GLB1: variants seen among roughly 807,000 people sequenced by gnomAD.
The protein encoded by GLB1 is galactosidase beta 1, also known as beta-galactosidase.
A neutral mutation model predicts 74.0 loss-of-function variants in GLB1; 56 were observed. The ratio of observed to expected loss-of-function variants is 0.76; its 90% CI spans 0.61 to 0.94. The LOEUF (loss-of-function observed/expected upper bound fraction) is 0.94, where lower values mean the gene tolerates loss of function less well. Ranked by LOEUF, GLB1 falls within the 40% of genes least tolerant of loss-of-function variation. The pLI, the probability that GLB1 is intolerant of heterozygous loss-of-function variation, is 0.00. For synonymous variants in GLB1, 323 were observed against 323.6 expected (o/e 1.00, Z 0.02); for missense variants, 787 against 845.5 (o/e 0.93, Z 0.86).
chr3:32,963,198 A>G, the GLB1 span, among the ~76,000 whole-genome samples: 9 of 151,900 alleles, frequency 5.9e-5, no homozygotes. Context: ...ACAATAAACT[A>G]TTTATTCAGA....
chr3:33,044,107 A>G (rs1698647528), intron 10 of GLB1, among the ~76,000 whole-genome samples: 1 of 152,202 alleles, frequency 6.6e-6, no homozygotes, highest in South Asian at 2.1e-4. Context: ...ACATGTATGT[A>G]GAATATAGTC....
intron 1 of GLB1, among the ~76,000 whole-genome samples, chr3:33,076,018 C>G (rs1180947929): frequency 6.7e-6 from 1 of 149,756 alleles, no homozygotes; most frequent in Admixed American, 6.7e-5. Context: ...GCACTCCAGC[C>G]TGGGCGACAG....
chr3:32,972,771 TA>T, the GLB1 span, among the ~76,000 whole-genome samples: 8 of 152,152 alleles, frequency 5.3e-5, no homozygotes, highest in African/African-American at 1.9e-4. Context: ...TAAGAGAAAT[TA>T]AAGAATGTGT....
downstream of GLB1, among the ~76,000 whole-genome samples, chr3:32,995,176 T>C (rs1696287085): frequency 6.6e-6 from 1 of 152,108 alleles, no homozygotes; most frequent in African/African-American, 2.4e-5. Flanking sequence ...GAGTGAAATA[T>C]AAGGCAAGTG....
chr3:33,060,472 A>G (rs1699395885), intron 5 of GLB1, among the ~76,000 whole-genome samples: 1 of 152,152 alleles, frequency 6.6e-6, no homozygotes, highest in South Asian at 2.1e-4. Context: ...TCTCCTTTTT[A>G]TCATCTGGCT....
the GLB1 span, among the ~76,000 whole-genome samples, chr3:32,962,499 A>G: frequency 2.6e-5 from 4 of 152,204 alleles, no homozygotes; most frequent in Non-Finnish European, 5.9e-5. Context: ...TTTATTTAAA[A>G]AATTGGAAAG....
At chr3:33,041,023 A>G (rs1383016962) in intron 10 of GLB1, among the ~76,000 whole-genome samples, 2 of 152,220 alleles carry the variant, frequency 1.3e-5, no homozygotes, top group Non-Finnish European at 2.9e-5. Context: ...ACAGAGAAAA[A>G]GAGATTACGA....
the GLB1 span, among the ~76,000 whole-genome samples, chr3:32,990,597 G>A: frequency 6.6e-6 from 1 of 152,154 alleles, no homozygotes; most frequent in Admixed American, 6.5e-5. Flanking sequence ...TCCTCACTGG[G>A]CACTTCTTGG....
chr3:32,996,125 T>A (rs543381277), downstream of GLB1, among the ~76,000 whole-genome samples: 16 of 152,292 alleles, frequency 1.1e-4, no homozygotes, highest in African/African-American at 3.9e-4. Flanking sequence ...TTCCTCAGTG[T>A]TCTTGTGAGG....
chr3:33,006,216 C>T (rs897473767), intron 15 of GLB1, among the ~76,000 whole-genome samples: 2 of 151,464 alleles, frequency 1.3e-5, no homozygotes, highest in Non-Finnish European at 2.9e-5. Flanking sequence ...TGTTAGGAAC[C>T]GGGCCGCACA....
chr3:33,038,323 A>G (rs2125501543), intron 10 of GLB1, among the ~76,000 whole-genome samples: 1 of 152,318 alleles, frequency 6.6e-6, no homozygotes, highest in East Asian at 1.9e-4. Flanking sequence ...ATAATTTGTG[A>G]AAGGTTTGCC....
intron 3 of GLB1, 46 bp from the exon 4 acceptor site, chr3:33,068,336 G>A (rs1699769907): frequency 1.2e-6 from 2 of 1,611,356 alleles, no homozygotes; most frequent in East Asian, 2.2e-5. Flanking sequence ...TCCGTGAAGG[G>A]TGCTCAGAGG....
In GLB1 at chr3:33,057,303, C is replaced by G. The variant is rs191822834; in HGVS notation, c.733+786G>C. On this transcript the variant is annotated intron_variant, in intron 6 of 15. Coordinates refer to ENST00000307363, the MANE Select transcript of GLB1 (RefSeq NM_000404.4). Reference sequence around the variant, plus strand: ...AGCTGTTGCCACCAGGCTTCCTATACAGCCTGTGAGTCCATTAAACCTCTT... The same window carrying G: ...AGCTGTTGCCACCAGGCTTCCTATAGAGCCTGTGAGTCCATTAAACCTCTT... Among the ~76,000 whole-genome samples, 189 of 152,344 alleles carry G rather than the reference C, an allele frequency of 1.2e-3. 1 individual carries two copies. The highest frequency in any genetic ancestry group is 4.5e-3 in the African/African-American group (185 of 41,570).
chr3:33,076,987 G>A, intron 1 of GLB1: 1 of 1,129,090 alleles, frequency 8.9e-7, no homozygotes, highest in East Asian at 5.7e-5. Flanking sequence ...AATTTGGGAG[G>A]CCAAGGCAGG....
chr3:33,092,514 G>A (rs1234836929), intron 1 of GLB1: 6 of 1,108,204 alleles, frequency 5.4e-6, no homozygotes, highest in Non-Finnish European at 6.6e-6. Flanking sequence ...AACCCCGAGG[G>A]GAGGTTCATC....
chr3:33,000,659 G>A (rs904426739), intron 15 of GLB1, among the ~76,000 whole-genome samples: 1 of 152,188 alleles, frequency 6.6e-6, no homozygotes, highest in South Asian at 2.1e-4. Context: ...CCTGGAAGGT[G>A]GAGGTTGCAG....
At chr3:33,029,574 G>A (rs1697921613) in intron 10 of GLB1, among the ~76,000 whole-genome samples, 1 of 152,108 alleles carries the variant, frequency 6.6e-6, no homozygotes, top group Non-Finnish European at 1.5e-5. Flanking sequence ...TGGTAGACTG[G>A]ATAAAGAAAA....
intron 11 of GLB1, among the ~76,000 whole-genome samples, chr3:33,023,165 C>G (rs1559386684): frequency 6.6e-6 from 1 of 152,266 alleles, no homozygotes; most frequent in East Asian, 1.9e-4. Context: ...AATAAGCTAG[C>G]TTGGTTTTAG....
intron 10 of GLB1, among the ~76,000 whole-genome samples, chr3:33,036,625 G>A (rs1008386062): frequency 3.4e-4 from 52 of 152,078 alleles, no homozygotes; most frequent in Non-Finnish European, 1.2e-4. Context: ...CAACTGAAAT[G>A]GTCATCACCA....
Sources: gnomAD v4.1 joint callset for allele counts (sites outside exome capture counted in the v4.1 genomes callset) on GRCh38, gnomAD v4.1.1 for gene constraint, MANE v1.5 for transcripts, NCBI Gene and HGNC (gene_info 2026-07-23, HGNC 2026-07-21) for gene names.